The following FRMD3 variants were observed in gnomAD, a reference collection of about 807,000 sequenced individuals.
The protein encoded by FRMD3 is FERM domain-containing protein 3.
A neutral mutation model predicts 70.2 loss-of-function variants in FRMD3; 33 were observed. The ratio of observed to expected loss-of-function variants is 0.47; its 90% CI spans 0.36 to 0.63. The LOEUF (loss-of-function observed/expected upper bound fraction) is 0.63. Among genes scored for constraint, FRMD3 ranks in the 20% least tolerant of loss-of-function variants. FRMD3 has a pLI of 0.00. For missense variants in FRMD3, 632 were observed against 711.4 expected (o/e 0.89, Z 1.27); for synonymous variants, 279 against 255.9 (o/e 1.09, Z -0.86).
chr9:83,333,989 G>A (rs555700050), intron 6 of FRMD3, among the ~76,000 whole-genome samples: 34 of 152,214 alleles, frequency 2.2e-4, no homozygotes, highest in Admixed American at 1.9e-3. Context: ...TGCTCAATAA[G>A]TGTATATTAT....
intron 2 of FRMD3, among the ~76,000 whole-genome samples, chr9:83,385,432 G>T (rs563253026): frequency 5.3e-5 from 8 of 152,122 alleles, no homozygotes; most frequent in Admixed American, 4.6e-4. Context: ...TAATGGAAAT[G>T]CTGGGCCCTG....
chr9:83,387,584 T>C (rs979258045), intron 2 of FRMD3, among the ~76,000 whole-genome samples: 4 of 152,198 alleles, frequency 2.6e-5, no homozygotes, highest in African/African-American at 9.6e-5. Flanking sequence ...CTGTTTGCAG[T>C]GGTGACTAGA....
At chr9:83,324,678 G>A (rs1013466961) in intron 6 of FRMD3, among the ~76,000 whole-genome samples, 2 of 152,136 alleles carry the variant, frequency 1.3e-5, no homozygotes, top group Non-Finnish European at 2.9e-5. Context: ...ATTCCAAGCA[G>A]CATAACATTT....
In FRMD3 at chr9:83,246,529, A is replaced by G; in HGVS notation, c.*1389T>C. ...GGCTGAACTGGTATGTCATCTCATG[A>G]GGCCTCTCCAGTTTCTCTATGGAAG... On this transcript the variant is annotated 3_prime_UTR_variant, in exon 14 of 14. Transcript: ENST00000304195. 1.0e-6 allele frequency: 1 copy of G among 985,244 alleles called. No individual in the cohort carries two copies. The highest frequency in any genetic ancestry group is 1.2e-6 in the Non-Finnish European group (1 of 829,898). 61.0% of individuals were successfully genotyped at this position (985,244 alleles called of 1,614,324 possible). A position where few individuals can be genotyped will look rare whatever the true frequency, so the allele number is the denominator to read the frequency against.
At chr9:83,571,839 G>A in the FRMD3 span, among the ~76,000 whole-genome samples, 1 of 152,200 alleles carries the variant, frequency 6.6e-6, no homozygotes, top group Non-Finnish European at 1.5e-5. Context: ...TGGCTGGAGT[G>A]TGTTTCAAAG....
chr9:83,528,752 T>C (rs1829736010), intron 1 of FRMD3, among the ~76,000 whole-genome samples: 1 of 152,158 alleles, frequency 6.6e-6, no homozygotes, highest in Non-Finnish European at 1.5e-5. Flanking sequence ...GGTCTCAAGC[T>C]CCTGGGCTCA....
intron 1 of FRMD3, among the ~76,000 whole-genome samples, chr9:83,458,657 T>C (rs1176008635): frequency 2.0e-5 from 3 of 152,076 alleles, no homozygotes; most frequent in East Asian, 3.9e-4. Flanking sequence ...GAGGTGTACA[T>C]CCACAGAAAT....
intron 13 of FRMD3, among the ~76,000 whole-genome samples, chr9:83,248,949 T>A (rs1832270280): frequency 6.6e-6 from 1 of 152,216 alleles, no homozygotes; most frequent in South Asian, 2.1e-4. Flanking sequence ...ATGTATTGCT[T>A]TCTAGTCTTC....
At chr9:83,391,012 G>C (rs1428692238) in intron 1 of FRMD3, among the ~76,000 whole-genome samples, 1 of 152,190 alleles carries the variant, frequency 6.6e-6, no homozygotes, top group African/African-American at 2.4e-5. Context: ...ACAATGCAGT[G>C]ATTAGACAAT....
intron 13 of FRMD3, among the ~76,000 whole-genome samples, chr9:83,264,848 A>G (rs1297134805): frequency 6.6e-6 from 1 of 151,394 alleles, no homozygotes; most frequent in Non-Finnish European, 1.5e-5. Context: ...CATGTCATGC[A>G]CGTGTAAAAA....
chr9:83,274,258 T>G (rs761142041), intron 13 of FRMD3, among the ~76,000 whole-genome samples: 9 of 152,312 alleles, frequency 5.9e-5, no homozygotes, highest in East Asian at 3.9e-4. Context: ...CTATTTAATC[T>G]TAGGGCTTCA....
intron 6 of FRMD3, among the ~76,000 whole-genome samples, chr9:83,330,522 C>T (rs893439231): frequency 6.6e-6 from 1 of 152,150 alleles, no homozygotes; most frequent in Admixed American, 6.6e-5. Context: ...AAATATGGCT[C>T]CTGATAACTT....
At chr9:83,490,786 TCTCTCTCTCTCTCA>T (rs751796335) in intron 1 of FRMD3, among the ~76,000 whole-genome samples, 2,097 of 128,316 alleles carry the variant, frequency 0.016, 55 homozygotes, top group African/African-American at 0.063. Context: ...TCTCTCTCTC[TCTCTCTCTCTCTCA>T]CACACACACA....
At chr9:83,446,835 T>C (rs913858455) in intron 1 of FRMD3, among the ~76,000 whole-genome samples, 1 of 152,032 alleles carries the variant, frequency 6.6e-6, no homozygotes, top group Non-Finnish European at 1.5e-5. Context: ...GAGTATGGGG[T>C]GCTAAATTTA....
At chr9:83,523,886 G>C (rs1213398537) in intron 1 of FRMD3, among the ~76,000 whole-genome samples, 2 of 152,166 alleles carry the variant, frequency 1.3e-5, no homozygotes, top group Non-Finnish European at 2.9e-5. Flanking sequence ...CTTGTGTCAG[G>C]ATGACCCTCA....
At chr9:83,471,321 A>T (rs1272382480) in intron 1 of FRMD3, among the ~76,000 whole-genome samples, 1 of 152,208 alleles carries the variant, frequency 6.6e-6, no homozygotes, top group Non-Finnish European at 1.5e-5. Flanking sequence ...GAGTCTAACA[A>T]CCCATTAGGC....
intron 1 of FRMD3, among the ~76,000 whole-genome samples, chr9:83,474,298 G>A (rs1024634127): frequency 1.3e-5 from 2 of 152,146 alleles, no homozygotes; most frequent in African/African-American, 4.8e-5. Context: ...ATAGGGATCT[G>A]AGCCTCCTGA....
the FRMD3 span, among the ~76,000 whole-genome samples, chr9:83,567,196 C>T: frequency 1.3e-5 from 2 of 152,220 alleles, no homozygotes; most frequent in Admixed American, 6.5e-5. Context: ...AGGCTTGGGG[C>T]TTCCACCCTC....
chr9:83,528,688 A>C (rs1438523169), intron 1 of FRMD3, among the ~76,000 whole-genome samples: 1 of 151,912 alleles, frequency 6.6e-6, no homozygotes, highest in Non-Finnish European at 1.5e-5. Context: ...CACCAAGCCC[A>C]GCTAATTTTT....
Sources: allele counts gnomAD v4.1 joint callset (sites outside exome capture counted in the v4.1 genomes callset), GRCh38; gene constraint gnomAD v4.1.1; transcripts MANE v1.5; gene names NCBI Gene and HGNC (gene_info 2026-07-23, HGNC 2026-07-21).